The following FAT3 variants were observed in gnomAD, a reference collection of about 807,000 sequenced individuals.
FAT3 encodes protocadherin Fat 3.
A neutral mutation model predicts 310.2 loss-of-function variants in FAT3; 95 were observed. The ratio of observed to expected loss-of-function variants is 0.31; its 90% CI spans 0.26 to 0.36. The LOEUF (loss-of-function observed/expected upper bound fraction) is 0.36, where lower values mean the gene tolerates loss of function less well. FAT3 is among the 10% of genes least tolerant of loss of function. The probability of loss-of-function intolerance (pLI) is 1.00; values close to 1 mark genes in which losing one functional copy is unlikely to be tolerated. For synonymous variants in FAT3, 2,314 were observed against 2,192.9 expected (o/e 1.06, Z -1.54); for missense variants, 5,408 against 5,715.6 (o/e 0.95, Z 1.74).
intron 2 of FAT3, among the ~76,000 whole-genome samples, chr11:92,491,203 T>C (rs1952588828): frequency 6.6e-6 from 1 of 152,078 alleles, no homozygotes. Context: ...ACTCAAGTAC[T>C]CTAGCTTAGT....
chr11:92,292,209 A>C (rs937686528), intron 1 of FAT3, among the ~76,000 whole-genome samples: 2 of 152,082 alleles, frequency 1.3e-5, no homozygotes, highest in Non-Finnish European at 2.9e-5. Flanking sequence ...GATTAATGAT[A>C]AACAGAATAA....
intron 3 of FAT3, among the ~76,000 whole-genome samples, chr11:92,601,445 AT>A (rs1445337986): frequency 6.6e-6 from 1 of 152,150 alleles, no homozygotes; most frequent in East Asian, 1.9e-4. Flanking sequence ...AAGTACAAAA[AT>A]TAGCTGAGTG....
At chr11:92,335,711 G>T (rs1264653006) in intron 1 of FAT3, among the ~76,000 whole-genome samples, 1 of 152,180 alleles carries the variant, frequency 6.6e-6, no homozygotes, top group East Asian at 1.9e-4. Flanking sequence ...TTGTAGGTTA[G>T]TGGTTTTGAG....
intron 21 of FAT3, among the ~76,000 whole-genome samples, chr11:92,864,353 G>A (rs578073615): frequency 3.0e-4 from 45 of 152,302 alleles, no homozygotes; most frequent in African/African-American, 1.1e-3. Flanking sequence ...GGTGGACTGT[G>A]CCAGAAAAAG....
rs67328951 is a variant in FAT3 at position 92,331,003 on chromosome 11, TGAGAGAGAGAGA to T, written c.-17-21086_-17-21075del. On this transcript the variant is annotated intron_variant, in intron 1 of 27. Coordinates refer to ENST00000525166, the MANE Select transcript of FAT3 (RefSeq NM_001367949.2). Reference sequence around the variant, plus strand: ...GTGTGTGTGTGTGTGTGTGTGTGTGTGAGAGAGAGAGAGAGAGAAACATTTACAGCTTTTCAG... The same window carrying T: ...GTGTGTGTGTGTGTGTGTGTGTGTGTGAGAGAAACATTTACAGCTTTTCAG... Among the ~76,000 whole-genome samples, 1,325 of 133,548 alleles carry T rather than the reference TGAGAGAGAGAGA, an allele frequency of 9.9e-3. 6 individuals carry two copies. Among genetic ancestry groups the T allele is most frequent in the African/African-American group, 0.014 (428 of 31,216 alleles). 87.6% of individuals were successfully genotyped at this position (133,548 alleles called of 152,430 possible).
intron 4 of FAT3, among the ~76,000 whole-genome samples, chr11:92,738,368 C>T (rs1375892191): frequency 6.6e-6 from 1 of 152,098 alleles, no homozygotes; most frequent in Admixed American, 6.6e-5. Flanking sequence ...TTGATGATCC[C>T]ACTGGGAATT....
At chr11:92,304,253 T>C (rs1376046398) in intron 1 of FAT3, among the ~76,000 whole-genome samples, 1 of 152,138 alleles carries the variant, frequency 6.6e-6, no homozygotes, top group Non-Finnish European at 1.5e-5. Flanking sequence ...GTCTGCATCT[T>C]ACTTCCTGGA....
intron 3 of FAT3, among the ~76,000 whole-genome samples, chr11:92,635,970 T>C (rs1245562817): frequency 6.6e-6 from 1 of 152,074 alleles, no homozygotes; most frequent in African/African-American, 2.4e-5. Flanking sequence ...TTTGTTTTGT[T>C]TTTGTTTTTT....
chr11:92,636,917 A>T (rs1224954168), intron 3 of FAT3, among the ~76,000 whole-genome samples: 2 of 152,236 alleles, frequency 1.3e-5, no homozygotes, highest in African/African-American at 2.4e-5. Context: ...CACCCATGAC[A>T]TCAGTGCTGG....
At chr11:92,874,946 A>T (rs576973217) in intron 22 of FAT3, among the ~76,000 whole-genome samples, 1 of 152,020 alleles carries the variant, frequency 6.6e-6, no homozygotes, top group South Asian at 2.1e-4. Flanking sequence ...GATCCTTCAG[A>T]GAATGAAAGT....
intron 22 of FAT3, among the ~76,000 whole-genome samples, chr11:92,875,067 GATA>G (rs1262508129): frequency 6.6e-6 from 1 of 151,476 alleles, no homozygotes; most frequent in Non-Finnish European, 1.5e-5. Context: ...CTAATACCAG[GATA>G]ATGAGATTAT....
chr11:92,641,003 C>A (rs973392559), intron 3 of FAT3, among the ~76,000 whole-genome samples: 1 of 152,144 alleles, frequency 6.6e-6, no homozygotes, highest in African/African-American at 2.4e-5. Flanking sequence ...TTGAGACCAG[C>A]CAGGGCAACA....
At chr11:92,346,069 C>G (rs527764512) in intron 1 of FAT3, among the ~76,000 whole-genome samples, 7 of 152,230 alleles carry the variant, frequency 4.6e-5, no homozygotes, top group Non-Finnish European at 8.8e-5. Context: ...ACATCAAACC[C>G]TTTTTCTTCT....
At chr11:92,271,301 C>T (rs951898680) in intron 1 of FAT3, among the ~76,000 whole-genome samples, 2 of 152,086 alleles carry the variant, frequency 1.3e-5, no homozygotes, top group Non-Finnish European at 2.9e-5. Context: ...ACTGGCCTTC[C>T]CTCTGGACCT....
At chr11:92,759,150 G>A (rs1428850466) in intron 4 of FAT3, among the ~76,000 whole-genome samples, 1 of 152,152 alleles carries the variant, frequency 6.6e-6, no homozygotes, top group Non-Finnish European at 1.5e-5. Flanking sequence ...AAGCAGATTG[G>A]AGCTATGTTG....
chr11:92,813,168 G>C (rs565341658), intron 13 of FAT3, among the ~76,000 whole-genome samples: 1 of 152,058 alleles, frequency 6.6e-6, no homozygotes, highest in Non-Finnish European at 1.5e-5. Context: ...CCCAGTCTCC[G>C]GTATATCTTT....
At chr11:92,605,948 G>T (rs893187683) in intron 3 of FAT3, among the ~76,000 whole-genome samples, 1 of 152,112 alleles carries the variant, frequency 6.6e-6, no homozygotes, top group Non-Finnish European at 1.5e-5. Context: ...GTGCTTGAAT[G>T]TGGCAGACAG....
At chr11:92,561,250 CGTGTGTGTGTGTGT>C (rs66585879) in intron 3 of FAT3, among the ~76,000 whole-genome samples, 53,044 of 148,394 alleles carry the variant, frequency 0.36, 10,562 homozygotes, top group Middle Eastern at 0.5. Flanking sequence ...CCTTCTACTT[CGTGTGTGTGTGTGT>C]GTGTGTGTGT....
chr11:92,261,222 T>C (rs1865540269), intron 1 of FAT3, among the ~76,000 whole-genome samples: 1 of 152,056 alleles, frequency 6.6e-6, no homozygotes, highest in South Asian at 2.1e-4. Flanking sequence ...AAGGAGGAAT[T>C]CATCCAAACA....
Sources: allele counts gnomAD v4.1 joint callset (sites outside exome capture counted in the v4.1 genomes callset), GRCh38; gene constraint gnomAD v4.1.1; transcripts MANE v1.5; gene names NCBI Gene and HGNC (gene_info 2026-07-23, HGNC 2026-07-21).